Variants in FAM98B observed in about 807,000 individuals in gnomAD.
FAM98B encodes tRNA-splicing ligase complex subunit FAM98B.
In FAM98B, 32 loss-of-function variants were observed where a neutral mutation model predicts 43.9. The ratio of observed to expected loss-of-function variants is 0.73; its 90% CI spans 0.55 to 0.98. FAM98B has a LOEUF of 0.98. Ranked by LOEUF, FAM98B falls within the 50% of genes least tolerant of loss-of-function variation. FAM98B has a pLI of 0.00. For synonymous variants in FAM98B, 190 were observed against 174.0 expected, an observed-to-expected ratio of 1.09 and a Z score of -0.72; for missense variants, 514 against 522.9, an observed-to-expected ratio of 0.98 and a Z score of 0.17.
At chr15:38,481,743 T>C in intron 7 of FAM98B, 1 of 897,540 alleles carries the variant, frequency 1.1e-6, no homozygotes, top group Non-Finnish European at 1.6e-6. Flanking sequence ...AAAGTAATCA[T>C]TTTTTGTCAG....
intron 6 of FAM98B, among the ~76,000 whole-genome samples, chr15:38,474,879 G>C (rs1417313396): frequency 6.6e-6 from 1 of 152,136 alleles, no homozygotes; most frequent in African/African-American, 2.4e-5. Context: ...TCTCCAGGCA[G>C]TAAGCTGAGA....
intron 3 of FAM98B, among the ~76,000 whole-genome samples, chr15:38,467,757 C>A (rs938647110): frequency 2.0e-4 from 30 of 152,020 alleles, no homozygotes; most frequent in African/African-American, 6.3e-4. Context: ...CCTGAGTGTC[C>A]ATAAATATAG....
rs374667977 is a variant in FAM98B at position 38,464,169 on chromosome 15, C to G, written c.209C>G (p.Thr70Arg). 7.4e-6 allele frequency: 12 copies of G among 1,611,926 alleles called. No individual in the cohort carries two copies. The highest frequency in any genetic ancestry group is 1.0e-5 in the Non-Finnish European group (12 of 1,179,078). The change falls in exon 2 of 8, where the codon ACG (threonine) becomes AGG (arginine). Residue 70 changes from threonine to arginine, a missense_variant. Transcript: ENST00000397609. ...KSLCNLEESI[T>R]SAGRDDLESF... ...TTATGCAACTTGGAAGAAAGTATCA[C>G]GTCTGCTGGTATTGCCATTATGTTG...
intron 7 of FAM98B, 127 bp from the exon 8 acceptor site, chr15:38,484,128 C>T (rs1450242289): frequency 6.6e-6 from 5 of 752,976 alleles, no homozygotes; most frequent in East Asian, 3.0e-5. Context: ...TTAATTTGTT[C>T]TGCCATGTCT....
At chr15:38,475,614 G>A (rs1285794012) in intron 6 of FAM98B, among the ~76,000 whole-genome samples, 2 of 151,850 alleles carry the variant, frequency 1.3e-5, no homozygotes, top group Non-Finnish European at 2.9e-5. Context: ...TTGTCACATC[G>A]CCTTCTGTCT....
chr15:38,467,108 T>G lies in FAM98B; in HGVS notation c.352+1705T>G, dbSNP rs190073715. ...TTCCTTGTTTATATTTTTGCTTACT[T>G]AGACAAAGATTAGGAACATTTAAAA... On this transcript the variant is annotated intron_variant, in intron 3 of 7. Transcript: ENST00000397609. Among the ~76,000 whole-genome samples, 870 of 152,290 alleles carry G rather than the reference T, an allele frequency of 5.7e-3. 8 individuals are homozygous for G. The highest frequency in any genetic ancestry group is 9.5e-3 in the Non-Finnish European group (646 of 67,998).
intron 1 of FAM98B, chr15:38,459,609 G>A (rs1889913626): frequency 4.9e-6 from 1 of 202,912 alleles, no homozygotes; most frequent in Non-Finnish European, 9.9e-6. Flanking sequence ...TGGGCTGGGG[G>A]GCCTGGGTTT....
At chr15:38,465,506 G>T in intron 3 of FAM98B, 103 bp downstream of exon 3, 2 of 1,079,086 alleles carry the variant, frequency 1.9e-6, no homozygotes, top group Admixed American at 3.0e-5. Flanking sequence ...ATATTAAAAG[G>T]GTTTTAATAT....
intron 6 of FAM98B, among the ~76,000 whole-genome samples, chr15:38,476,854 G>A (rs907173092): frequency 3.3e-5 from 5 of 151,980 alleles, no homozygotes; most frequent in African/African-American, 4.8e-5. Flanking sequence ...GGCTGGCCAT[G>A]GTATTGTGTG....
At chr15:38,454,356 C>G (rs1438903997) in intron 1 of FAM98B, 124 bp downstream of exon 1, 9 of 959,576 alleles carry the variant, frequency 9.4e-6, no homozygotes, top group South Asian at 3.0e-5. Context: ...TTCCCTGCCT[C>G]GATCCCTCCG....
At chr15:38,465,670 A>G (rs867242478) in intron 3 of FAM98B, among the ~76,000 whole-genome samples, 1 of 151,864 alleles carries the variant, frequency 6.6e-6, no homozygotes, top group East Asian at 1.9e-4. Flanking sequence ...CCTTTATCTC[A>G]TTCTATCTGT....
chr15:38,470,445 T>G (rs758184475), intron 4 of FAM98B, 40 bp downstream of exon 4: 2 of 1,515,074 alleles, frequency 1.3e-6, no homozygotes, highest in East Asian at 4.6e-5. Context: ...TTCAACTGAA[T>G]GGTAACATGT....
chr15:38,470,733 G>C lies in FAM98B; in HGVS notation c.531+328G>C, dbSNP rs1890118399. The C allele has an allele frequency of 1.7e-5, 3 of 173,042 alleles. No individual in the cohort carries two copies. In the South Asian group the frequency reaches 5.6e-4, roughly 32 times the overall value. The allele number at this position is 173,042 out of a possible 1,614,324, so 10.7% of individuals were successfully genotyped here. On this transcript the variant is annotated intron_variant, in intron 4 of 7. Coordinates refer to ENST00000397609, the MANE Select transcript of FAM98B (RefSeq NM_173611.4). ...AGAAAGAAAGAAAGAAGTAGAAGTA[G>C]AGTTATCCTACAAAGTGAAAGGAAA...
In FAM98B at chr15:38,485,077, C is replaced by A. The variant is rs1432446822; in HGVS notation, c.*418C>A. 1.3e-5 allele frequency: 2 copies of A among 155,030 alleles called. No homozygotes were observed. Among genetic ancestry groups the A allele is most frequent in the African/African-American group, 4.8e-5 (2 of 41,516 alleles). The allele number at this position is 155,030 out of a possible 1,614,324, so 9.6% of individuals were successfully genotyped here. On this transcript the variant is annotated 3_prime_UTR_variant, in exon 8 of 8. Transcript: ENST00000397609. ...TAGAAAGGAATATAGACCCTTGCCT[C>A]ACCTGTATTGCTGTGGATGTGTTTT...
At chr15:38,475,805 A>G (rs1890190777) in intron 6 of FAM98B, among the ~76,000 whole-genome samples, 2 of 152,202 alleles carry the variant, frequency 1.3e-5, no homozygotes, top group South Asian at 4.1e-4. Flanking sequence ...TCAACTTACA[A>G]AGGGGCTTCT....
At chr15:38,474,442 A>T in intron 6 of FAM98B, 144 bp downstream of exon 6, 1 of 564,050 alleles carries the variant, frequency 1.8e-6, no homozygotes, top group East Asian at 2.6e-5. Context: ...GTCTTACAAG[A>T]TGATCCTGGT....
chr15:38,481,674 G>C (rs1890290356), intron 7 of FAM98B: 1 of 1,362,078 alleles, frequency 7.3e-7, no homozygotes, highest in Non-Finnish European at 9.8e-7. Flanking sequence ...TTCTGAATTA[G>C]AGGAATTATG....
At chr15:38,473,401 TTAA>T (rs1451866222) in intron 4 of FAM98B, 101 bp from the exon 5 acceptor site, 1 of 732,566 alleles carries the variant, frequency 1.4e-6, no homozygotes, top group African/African-American at 1.8e-5. Flanking sequence ...TTATGTCACT[TTAA>T]TATTTTATTC....
chr15:38,481,442 G>C lies in FAM98B; in HGVS notation c.880G>C (p.Ala294Pro). The C allele has an allele frequency of 1.2e-6, 2 of 1,614,162 alleles. No homozygotes were observed. The highest frequency in any genetic ancestry group is 1.7e-6 in the Non-Finnish European group (2 of 1,180,024). ...TSSGTSREKT[A>P]CAINKVLMGR... ...TAGTGGCACCAGCCGGGAGAAGACC[G>C]CATGTGCCATTAATAAGGTTGGTGT... is the stretch of plus-strand genomic sequence containing the variant. The change falls in exon 7 of 8, where the codon GCA (alanine) becomes CCA (proline). Residue 294 changes from alanine (A) to proline (P), a missense_variant. Around this residue, in one of 2 missense-constraint regions of FAM98B, gnomAD observed 469 missense variants for 451.8 expected, o/e 1.04. Coordinates refer to ENST00000397609, the MANE Select transcript of FAM98B (RefSeq NM_173611.4).
Sources: gnomAD v4.1 joint callset for allele counts (sites outside exome capture counted in the v4.1 genomes callset) on GRCh38, gnomAD v4.1.1 for gene constraint, gnomAD v4.1.1 regional missense constraint, MANE v1.5 for transcripts, NCBI Gene and HGNC (gene_info 2026-07-23, HGNC 2026-07-21) for gene names.